The following STRN variants were observed in gnomAD, a reference collection of about 807,000 sequenced individuals.
STRN encodes protein phosphatase 2 regulatory subunit B'''alpha.
In STRN, 53 loss-of-function variants were observed where a neutral mutation model predicts 96.3. The observed-to-expected ratio is 0.55, with a 90% CI of 0.44 to 0.69. The LOEUF (loss-of-function observed/expected upper bound fraction) is 0.69. Ranked by LOEUF, STRN falls within the 30% of genes least tolerant of loss-of-function variation. The probability of loss-of-function intolerance (pLI) is 0.00; values close to 1 mark genes in which losing one functional copy is unlikely to be tolerated. For missense variants in STRN, 987 were observed against 963.9 expected (o/e 1.02, Z -0.32); for synonymous variants, 428 against 355.9 (o/e 1.20, Z -2.28).
intron 1 of STRN, among the ~76,000 whole-genome samples, chr2:36,937,004 T>C (rs1234603460): frequency 6.6e-6 from 1 of 152,100 alleles, no homozygotes; most frequent in African/African-American, 2.4e-5. Context: ...ACAAAGACAG[T>C]AGGACCCAGA....
intron 1 of STRN, among the ~76,000 whole-genome samples, chr2:36,958,501 T>C (rs188478604): frequency 6.6e-6 from 1 of 152,240 alleles, no homozygotes; most frequent in East Asian, 1.9e-4. Context: ...ACTTCAACAA[T>C]AACCAAAACT....
chr2:36,925,026 A>G, intron 2 of STRN, 79 bp downstream of exon 2: 1 of 1,330,172 alleles, frequency 7.5e-7, no homozygotes, highest in Middle Eastern at 2.6e-4. Context: ...ATTGCACCCC[A>G]GCCTGGGCAA....
At chr2:36,877,411 AG>A (rs1319831538) in intron 10 of STRN, among the ~76,000 whole-genome samples, 9 of 152,366 alleles carry the variant, frequency 5.9e-5, no homozygotes, top group African/African-American at 2.2e-4. Flanking sequence ...TTTAATCTCT[AG>A]GTTATGGAAA....
intron 6 of STRN, among the ~76,000 whole-genome samples, chr2:36,898,512 A>C (rs1669600461): frequency 6.6e-6 from 1 of 152,256 alleles, no homozygotes; most frequent in Non-Finnish European, 1.5e-5. Context: ...TCAGAAGCAG[A>C]AGGCATAAAA....
intron 3 of STRN, among the ~76,000 whole-genome samples, chr2:36,914,485 T>A (rs978032340): frequency 2.0e-5 from 3 of 152,110 alleles, no homozygotes; most frequent in Non-Finnish European, 4.4e-5. Context: ...TAAGCACATC[T>A]CAGGTCACAA....
At chr2:36,898,568 A>G (rs1272689868) in intron 6 of STRN, among the ~76,000 whole-genome samples, 2 of 152,204 alleles carry the variant, frequency 1.3e-5, no homozygotes, top group Non-Finnish European at 2.9e-5. Context: ...TAAACAGATC[A>G]TTTTCGCACA....
At chr2:36,886,113 A>G (rs897079489) in intron 8 of STRN, among the ~76,000 whole-genome samples, 1 of 152,184 alleles carries the variant, frequency 6.6e-6, no homozygotes, top group African/African-American at 2.4e-5. Context: ...TGTGGCATAC[A>G]TTAAAAAGGA....
At chr2:36,926,278 T>C (rs533026756) in intron 1 of STRN, among the ~76,000 whole-genome samples, 23 of 152,262 alleles carry the variant, frequency 1.5e-4, no homozygotes, top group South Asian at 4.1e-4. Flanking sequence ...ACATAAGAAA[T>C]TGAAACTATG....
chr2:36,860,384 A>C (rs974686190), intron 13 of STRN, among the ~76,000 whole-genome samples: 3 of 152,206 alleles, frequency 2.0e-5, no homozygotes, highest in Admixed American at 6.5e-5. Context: ...GTTACCTTTC[A>C]CAACATATTA....
intron 10 of STRN, among the ~76,000 whole-genome samples, chr2:36,872,368 C>T (rs76694914): frequency 0.046 from 7,016 of 152,260 alleles, 260 homozygotes; most frequent in East Asian, 0.13. Context: ...TCAACAACCA[C>T]AGGAAGAGCT....
At chr2:36,962,174 G>C (rs533469205) in intron 1 of STRN, among the ~76,000 whole-genome samples, 1 of 152,238 alleles carries the variant, frequency 6.6e-6, no homozygotes, top group Non-Finnish European at 1.5e-5. Context: ...GTAGATGCTT[G>C]AAAAATATTT....
chr2:36,902,519 A>G, intron 5 of STRN, 65 bp downstream of exon 5: 2 of 1,415,472 alleles, frequency 1.4e-6, no homozygotes. Context: ...AGTAATGTCC[A>G]TAAAACCAAA....
intron 3 of STRN, among the ~76,000 whole-genome samples, chr2:36,908,461 T>C (rs557919988): frequency 6.6e-6 from 1 of 152,202 alleles, no homozygotes; most frequent in African/African-American, 2.4e-5. Flanking sequence ...CTGGAATTCA[T>C]ATGACTTTCT....
At chr2:36,960,146 T>C (rs1664992739) in intron 1 of STRN, among the ~76,000 whole-genome samples, 1 of 152,204 alleles carries the variant, frequency 6.6e-6, no homozygotes, top group South Asian at 2.1e-4. Context: ...AAGAGCCAAA[T>C]AAAATGTAGG....
intron 7 of STRN, among the ~76,000 whole-genome samples, chr2:36,887,050 C>G (rs944267004): frequency 2.3e-3 from 17 of 7,282 alleles, no homozygotes; most frequent in East Asian, 0.01. Flanking sequence ...AAGACACACA[C>G]ACACACACAC....
chr2:36,955,032 C>A (rs536143708), intron 1 of STRN, among the ~76,000 whole-genome samples: 2 of 152,134 alleles, frequency 1.3e-5, no homozygotes, highest in African/African-American at 4.8e-5. Context: ...TTATTCTACT[C>A]GAAGAAAAAC....
At chr2:36,938,175 C>G (rs1420571598) in intron 1 of STRN, among the ~76,000 whole-genome samples, 1 of 152,066 alleles carries the variant, frequency 6.6e-6, no homozygotes, top group African/African-American at 2.4e-5. Flanking sequence ...CTAGTAATAT[C>G]AGCATTTTGG....
intron 2 of STRN, among the ~76,000 whole-genome samples, chr2:36,917,912 A>C (rs1572673522): frequency 6.6e-6 from 1 of 152,284 alleles, no homozygotes; most frequent in East Asian, 1.9e-4. Flanking sequence ...GTCTCCATAC[A>C]TTTTTTAAAA....
rs1387538570 is a variant in STRN, at chr2:36,966,497, G to T, written c.-34C>A. 7.2e-7 allele frequency: 1 copy of T among 1,390,592 alleles called. No individual in the cohort carries two copies. Among genetic ancestry groups the T allele is most frequent in the African/African-American group, 1.5e-5 (1 of 65,550 alleles). 86.1% of individuals were successfully genotyped at this position (1,390,592 alleles called of 1,614,324 possible). ...CAGATACCCGGGGAGCTGCCCCGGC[G>T]CCCAGCAGCGGAGGCAACAGCGGCG... On this transcript the variant is annotated 5_prime_UTR_variant, in exon 1 of 18. Transcript: ENST00000263918.
Sources: gnomAD v4.1 joint callset for allele counts (sites outside exome capture counted in the v4.1 genomes callset) on GRCh38, gnomAD v4.1.1 for gene constraint, MANE v1.5 for transcripts, NCBI Gene and HGNC (gene_info 2026-07-23, HGNC 2026-07-21) for gene names.